CNOT6: variants seen among roughly 807,000 people sequenced by gnomAD.
CNOT6 encodes the protein carbon catabolite repression 4 protein.
A neutral mutation model predicts 61.2 loss-of-function variants in CNOT6; 12 were observed. The observed-to-expected ratio is 0.20, with a 90% CI of 0.13 to 0.32. The LOEUF is 0.32. Ranked by LOEUF, CNOT6 falls within the 10% of genes least tolerant of loss-of-function variation. The pLI is 1.00. For synonymous variants in CNOT6, 225 were observed against 240.6 expected (o/e 0.94, Z 0.60); for missense variants, 405 against 663.9 (o/e 0.61, Z 4.28).
At chr5:180,499,835 C>T (rs1756783475) in intron 1 of CNOT6, among the ~76,000 whole-genome samples, 1 of 152,174 alleles carries the variant, frequency 6.6e-6, no homozygotes, top group Admixed American at 6.5e-5. Flanking sequence ...AGAAGAATTA[C>T]TTATAATCAG....
At chr5:180,548,766 C>T (rs1485718526) in intron 2 of CNOT6, among the ~76,000 whole-genome samples, 1 of 152,166 alleles carries the variant, frequency 6.6e-6, no homozygotes, top group Non-Finnish European at 1.5e-5. Flanking sequence ...TCCTGTTACT[C>T]TTATCTTGGT....
Position 180,494,484 on chromosome 5 carries a change from A to T in CNOT6, c.-282A>T. 1 of 151,124 alleles carries T rather than the reference A, an allele frequency of 6.6e-6. No homozygotes were observed. Among genetic ancestry groups the T allele is most frequent in the South Asian group, 1.8e-4 (1 of 5,494 alleles). The allele number at this position is 151,124 out of a possible 1,614,324, so 9.4% of individuals were successfully genotyped here. ...GGTGGCGGCGGCGACGGCGGCGCGG[A>T]GGCGAAGGCAGCGGCGGGCGCAGCG... On this transcript the variant is annotated 5_prime_UTR_variant, in exon 1 of 12. Transcript: ENST00000261951.
chr5:180,507,219 G>A (rs914161131), intron 1 of CNOT6, among the ~76,000 whole-genome samples: 1 of 152,154 alleles, frequency 6.6e-6, no homozygotes, highest in African/African-American at 2.4e-5. Flanking sequence ...TACTAAGGAG[G>A]TATACAGAGA....
chr5:180,506,107 C>G (rs889897064), intron 1 of CNOT6, among the ~76,000 whole-genome samples: 17 of 152,148 alleles, frequency 1.1e-4, no homozygotes, highest in Admixed American at 6.6e-5. Context: ...GAAAGACTAG[C>G]TTTGGAGTCA....
intron 4 of CNOT6, among the ~76,000 whole-genome samples, chr5:180,555,024 T>TGA (rs1759810904): frequency 6.6e-6 from 1 of 151,944 alleles, no homozygotes; most frequent in Non-Finnish European, 1.5e-5. Context: ...TTTTTTTTTT[T>TGA]GAGAGAGAGT....
chr5:180,578,168 T>C lies in CNOT6; in HGVS notation c.*3968T>C, dbSNP rs1369833708. Reference sequence around the variant, plus strand: ...ACTAATGTATTTCTTTATTGGCTGTTATTCTGTATAACACTCATATCTTTG... The same window carrying C: ...ACTAATGTATTTCTTTATTGGCTGTCATTCTGTATAACACTCATATCTTTG... On this transcript the variant is annotated 3_prime_UTR_variant, in exon 12 of 12. Coordinates refer to ENST00000261951, the MANE Select transcript of CNOT6 (RefSeq NM_001370472.1). The C allele has an allele frequency of 6.6e-6, 1 of 152,670 alleles. No individual in the cohort carries two copies. Among genetic ancestry groups the C allele is most frequent in the Non-Finnish European group, 1.5e-5 (1 of 68,054 alleles). The allele number at this position is 152,670 out of a possible 1,614,324, so 9.5% of individuals were successfully genotyped here.
intron 4 of CNOT6, among the ~76,000 whole-genome samples, chr5:180,558,622 T>TC (rs35242453): frequency 0.29 from 41,627 of 144,994 alleles, 6,288 homozygotes; most frequent in Middle Eastern, 0.42. Context: ...TTGTGTTTGC[T>TC]TTTTTTTTTT....
intron 6 of CNOT6, among the ~76,000 whole-genome samples, 187 bp from the exon 7 acceptor site, chr5:180,565,633 C>T (rs80324045): frequency 0.019 from 2,881 of 152,294 alleles, 37 homozygotes; most frequent in Non-Finnish European, 0.027. Flanking sequence ...AACTTGTTCA[C>T]TTATCTATCC....
At chr5:180,553,711 A>G (rs11738199) in intron 4 of CNOT6, among the ~76,000 whole-genome samples, 70,779 of 151,840 alleles carry the variant, frequency 0.47, 17,522 homozygotes, top group Non-Finnish European at 0.56. Flanking sequence ...CTGTTTTAAT[A>G]AACCCTGTGT....
At chr5:180,502,040 TTAAAC>T (rs1756889540) in intron 1 of CNOT6, among the ~76,000 whole-genome samples, 1 of 152,088 alleles carries the variant, frequency 6.6e-6, no homozygotes, top group South Asian at 2.1e-4. Flanking sequence ...TTGCAAAAAT[TTAAAC>T]TAGAAGAGAA....
intron 1 of CNOT6, among the ~76,000 whole-genome samples, chr5:180,511,437 C>T (rs1757389434): frequency 6.6e-6 from 1 of 152,048 alleles, no homozygotes; most frequent in Non-Finnish European, 1.5e-5. Context: ...CAGTGAAACC[C>T]CATCTCTACT....
chr5:180,503,312 G>A (rs1259146276), intron 1 of CNOT6, among the ~76,000 whole-genome samples: 1 of 145,802 alleles, frequency 6.9e-6, no homozygotes, highest in African/African-American at 2.5e-5. Context: ...AGCCCAGGCT[G>A]GAATGCAGTG....
chr5:180,566,050 C>T, intron 7 of CNOT6, 73 bp downstream of exon 7: 1 of 1,376,280 alleles, frequency 7.3e-7, no homozygotes, highest in Non-Finnish European at 9.9e-7. Flanking sequence ...TACGCTGACA[C>T]ATTTGAAGTT....
intron 4 of CNOT6, 73 bp downstream of exon 4, chr5:180,553,544 C>T: frequency 9.1e-7 from 1 of 1,095,634 alleles, no homozygotes; most frequent in Non-Finnish European, 1.4e-6. Context: ...AAGAAGCTTT[C>T]TGCTAGGGGA....
intron 1 of CNOT6, among the ~76,000 whole-genome samples, chr5:180,498,921 C>T (rs1244529272): frequency 2.6e-5 from 4 of 152,232 alleles, no homozygotes; most frequent in African/African-American, 4.8e-5. Flanking sequence ...TCCCGAGTAG[C>T]TGGGATTACG....
intron 2 of CNOT6, among the ~76,000 whole-genome samples, chr5:180,544,075 T>G (rs1420803765): frequency 6.6e-6 from 1 of 152,242 alleles, no homozygotes; most frequent in Admixed American, 6.5e-5. Flanking sequence ...CCTCCCAAAG[T>G]GCTGGGATTA....
At chr5:180,548,623 G>T (rs1387836174) in intron 2 of CNOT6, among the ~76,000 whole-genome samples, 1 of 152,170 alleles carries the variant, frequency 6.6e-6, no homozygotes, top group African/African-American at 2.4e-5. Context: ...GACAGTTATA[G>T]GGTCTACCCT....
chr5:180,517,888 A>G (rs1483919150), intron 1 of CNOT6, among the ~76,000 whole-genome samples: 1 of 152,158 alleles, frequency 6.6e-6, no homozygotes, highest in Non-Finnish European at 1.5e-5. Flanking sequence ...CACTGAATCC[A>G]GTTGCTGCTG....
rs545611259 is a variant in CNOT6 at position 180,526,053 on chromosome 5, A to G, written c.-2-3222A>G. Among the ~76,000 whole-genome samples, 291 of 152,286 alleles carry G rather than the reference A, an allele frequency of 1.9e-3. 1 individual carries two copies. The highest frequency in any genetic ancestry group is 0.01 in the Middle Eastern group (3 of 294). ...ACTCAAGTGTTCCTCCCTCCCCAGC[A>G]TCTCAAAGCCGTTGGGGTTATAGGC... On this transcript the variant is annotated intron_variant, in intron 1 of 11. Coordinates refer to ENST00000261951, the MANE Select transcript of CNOT6 (RefSeq NM_001370472.1).
Sources: gnomAD v4.1 joint callset for allele counts (sites outside exome capture counted in the v4.1 genomes callset) on GRCh38, gnomAD v4.1.1 for gene constraint, MANE v1.5 for transcripts, NCBI Gene and HGNC (gene_info 2026-07-23, HGNC 2026-07-21) for gene names.